The following VSTM2B variants were observed in gnomAD, a reference collection of about 807,000 sequenced individuals.
The protein encoded by VSTM2B is V-set and transmembrane domain-containing protein 2B.
VSTM2B carries 24 observed loss-of-function variants against 24.0 expected under a neutral mutation model. The observed-to-expected ratio is 1.00, with a 90% confidence interval of 0.72 to 1.40. VSTM2B has a LOEUF of 1.40. VSTM2B is among the 40% of genes most tolerant of loss of function. The pLI is 0.00. For missense variants in VSTM2B, 399 were observed against 416.4 expected, an observed-to-expected ratio of 0.96 and a Z score of 0.36; for synonymous variants, 226 against 194.4, an observed-to-expected ratio of 1.16 and a Z score of -1.35.
chr19:29,562,479 G>T (rs1310053648), intron 4 of VSTM2B, among the ~76,000 whole-genome samples: 1 of 152,136 alleles, frequency 6.6e-6, no homozygotes, highest in Admixed American at 6.6e-5. Context: ...CACAGGGTAG[G>T]GTCTCCCACA....
chr19:29,540,813 A>G (rs1039389722), intron 4 of VSTM2B, among the ~76,000 whole-genome samples: 1 of 152,238 alleles, frequency 6.6e-6, no homozygotes, highest in Non-Finnish European at 1.5e-5. Context: ...TAGCAAGTGG[A>G]AATTAGCAGC....
chr19:29,546,614 C>T lies in VSTM2B; in HGVS notation c.769+16324C>T, dbSNP rs186641081. Among the ~76,000 whole-genome samples, 45 of 152,326 alleles carry T rather than the reference C, an allele frequency of 3.0e-4. No homozygotes were observed. The East Asian group carries it at 6.6e-3, about 22-fold the overall frequency. The stretch of plus-strand genomic sequence containing the variant: ...CAATCCAGATGGGGCAGGGGCCCCT[C>T]AGGTGAGGAATGGGCCCCACACTGA... On this transcript the variant is annotated intron_variant, in intron 4 of 4. Transcript: ENST00000335523.
intron 4 of VSTM2B, among the ~76,000 whole-genome samples, chr19:29,560,097 G>C (rs561064670): frequency 6.6e-6 from 1 of 152,272 alleles, no homozygotes; most frequent in East Asian, 1.9e-4. Context: ...GTGGGTTCTA[G>C]GAGGCACAAG....
chr19:29,526,872 G>GC lies in VSTM2B; in HGVS notation c.82+209dup, dbSNP rs1183141362. On this transcript the variant is annotated intron_variant, in intron 1 of 4. Transcript: ENST00000335523. The surrounding 1 kb of genome is among the most constrained non-coding windows in gnomAD (Gnocchi z 4.1). Reference sequence around the variant, plus strand: ...CCGCGCCCGAGTCGTTCCCAGTCCCGCCGGGGCCCCGGCTGCGGAAAGGAT... The same window carrying GC: ...CCGCGCCCGAGTCGTTCCCAGTCCCGCCCGGGGCCCCGGCTGCGGAAAGGAT... 2.6e-5 allele frequency: 13 copies of GC among 502,860 alleles called. No homozygotes were observed. In the East Asian group the frequency reaches 3.9e-4, roughly 15 times the overall value. 31.1% of individuals were successfully genotyped at this position (502,860 alleles called of 1,614,324 possible).
chr19:29,528,536 G>C, intron 3 of VSTM2B, 74 bp downstream of exon 3: 1 of 1,532,318 alleles, frequency 6.5e-7, no homozygotes, highest in Non-Finnish European at 8.8e-7. Context: ...CCCTCCCTTA[G>C]CAAGCCGCGG....
At chr19:29,547,091 T>G (rs1261367532) in intron 4 of VSTM2B, among the ~76,000 whole-genome samples, 1 of 152,212 alleles carries the variant, frequency 6.6e-6, no homozygotes, top group African/African-American at 2.4e-5. Context: ...GTGGCCTTGG[T>G]TGGGCTGCCA....
chr19:29,526,503 C>G lies in VSTM2B; in HGVS notation c.-81C>G. Reference sequence around the variant, plus strand: ...TGGCAGGCTCGGAGGCGTCCTAGCCCGAGCCGGAGCCGATCCGAGCCCACG... The same window carrying G: ...TGGCAGGCTCGGAGGCGTCCTAGCCGGAGCCGGAGCCGATCCGAGCCCACG... On this transcript the variant is annotated 5_prime_UTR_variant, in exon 1 of 5. Coordinates refer to ENST00000335523, the MANE Select transcript of VSTM2B (RefSeq NM_001146339.2). The surrounding 1 kb of genome is among the most constrained non-coding windows in gnomAD (Gnocchi z 4.1). 5.1e-6 allele frequency: 6 copies of G among 1,178,628 alleles called. 1 individual carries two copies. Among genetic ancestry groups the G allele is most frequent in the South Asian group, 5.0e-5 (3 of 59,754 alleles). The allele number at this position is 1,178,628 out of a possible 1,614,324, so 73.0% of individuals were successfully genotyped here.
chr19:29,556,917 T>A (rs542200911), intron 4 of VSTM2B, among the ~76,000 whole-genome samples: 15 of 152,296 alleles, frequency 9.8e-5, no homozygotes, highest in African/African-American at 3.6e-4. Flanking sequence ...TCCATGCTCA[T>A]GGATAGGAAG....
chr19:29,538,875 A>G (rs1317561257), intron 4 of VSTM2B, among the ~76,000 whole-genome samples: 1 of 151,964 alleles, frequency 6.6e-6, no homozygotes, highest in Non-Finnish European at 1.5e-5. Flanking sequence ...TGACCCAGTT[A>G]CCTCCCACCG....
Position 29,530,169 on chromosome 19 carries a change from C to A in VSTM2B, c.648C>A (p.Pro216=), listed in dbSNP as rs1016476325. The change falls in exon 4 of 5, where the codon CCC becomes CCA. Residue 216 remains proline (P), a synonymous_variant. Transcript: ENST00000335523. ...CCGCCGCCATCGATCCCGCAGTCCCCGAGGCCGCGGCAGCCTCGGCGGCCC... is the reference window on the plus strand; with the variant it reads ...CCGCCGCCATCGATCCCGCAGTCCCAGAGGCCGCGGCAGCCTCGGCGGCCC... ...SPPAAIDPAV[P]EAAAASAAHT... is the part of the protein sequence containing the mutation. 1 of 1,488,134 alleles carries A rather than the reference C, an allele frequency of 6.7e-7. No homozygotes were observed. Among genetic ancestry groups the A allele is most frequent in the East Asian group, 2.9e-5 (1 of 34,500 alleles). The allele number at this position is 1,488,134 out of a possible 1,614,324, so 92.2% of individuals were successfully genotyped here.
At chr19:29,549,623 G>A (rs1011618081) in intron 4 of VSTM2B, among the ~76,000 whole-genome samples, 2 of 152,054 alleles carry the variant, frequency 1.3e-5, no homozygotes, top group African/African-American at 4.8e-5. Context: ...TGCTACCCCA[G>A]TAGACCCCTG....
intron 4 of VSTM2B, among the ~76,000 whole-genome samples, chr19:29,556,786 T>C (rs1442625844): frequency 1.3e-5 from 2 of 152,126 alleles, no homozygotes; most frequent in Admixed American, 1.3e-4. Flanking sequence ...TTCACAATTG[T>C]TTCAAAGGGA....
chr19:29,528,672 G>T lies in VSTM2B; in HGVS notation c.297+210G>T, dbSNP rs537834770. Among the ~76,000 whole-genome samples the T allele has an allele frequency of 2.7e-3, 409 of 152,354 alleles. 5 individuals carry two copies. The highest frequency in any genetic ancestry group is 4.7e-3 in the Non-Finnish European group (320 of 68,038). On this transcript the variant is annotated intron_variant, in intron 3 of 4. Coordinates refer to ENST00000335523, the MANE Select transcript of VSTM2B (RefSeq NM_001146339.2). ...CGGGTTCTCTTTTGTGTAAATCAAG[G>T]GTCCAAGGCTTGAGTCCCCTAATTC... is the stretch of plus-strand genomic sequence containing the variant.
upstream of VSTM2B, chr19:29,525,488 TG>T (rs915770797): frequency 1.3e-5 from 2 of 151,424 alleles, no homozygotes; most frequent in African/African-American, 4.8e-5. Context: ...CTGGGCGCTG[TG>T]CGCTCACTTC....
At chr19:29,535,796 C>T (rs1969875725) in intron 4 of VSTM2B, among the ~76,000 whole-genome samples, 1 of 152,146 alleles carries the variant, frequency 6.6e-6, no homozygotes, top group Non-Finnish European at 1.5e-5. Flanking sequence ...CCAGCAGGCC[C>T]AGGACCTGTG....
Position 29,526,139 on chromosome 19 carries a change from G to A in VSTM2B, c.-445G>A, listed in dbSNP as rs985592414. Reference sequence around the variant, plus strand: ...GGAACCGGCGGGGGCGGCTGCGGGAGCCGAAGGAGGTGGCAATCGGGAGCA... The same window carrying A: ...GGAACCGGCGGGGGCGGCTGCGGGAACCGAAGGAGGTGGCAATCGGGAGCA... On this transcript the variant is annotated 5_prime_UTR_variant, in exon 1 of 5. Transcript: ENST00000335523. This position sits in a 1 kb window ranked among gnomAD's most constrained non-coding sequence, Gnocchi z 4.1. Among the ~76,000 whole-genome samples the A allele has an allele frequency of 6.6e-6, 1 of 152,094 alleles. No homozygotes were observed. Among genetic ancestry groups the A allele is most frequent in the African/African-American group, 2.4e-5 (1 of 41,436 alleles).
intron 3 of VSTM2B, 76 bp downstream of exon 3, chr19:29,528,538 A>G: frequency 6.5e-7 from 1 of 1,531,732 alleles, no homozygotes; most frequent in Non-Finnish European, 8.8e-7. Context: ...CTCCCTTAGC[A>G]AGCCGCGGCG....
In VSTM2B at chr19:29,527,106, G is replaced by C. The variant is rs566951896; in HGVS notation, c.83-105G>C. ...GTGCGCCAGGGAGCAGCTGCGGGGTGGGGGGCACAAGGCCAGCCAGCCAGA... is the reference window on the plus strand; with the variant it reads ...GTGCGCCAGGGAGCAGCTGCGGGGTCGGGGGCACAAGGCCAGCCAGCCAGA... On this transcript the variant is annotated intron_variant, in intron 1 of 4. Coordinates refer to ENST00000335523, the MANE Select transcript of VSTM2B (RefSeq NM_001146339.2). The C allele has an allele frequency of 2.1e-4, 219 of 1,019,496 alleles. 1 individual carries two copies. The African/African-American group carries it at 3.3e-3, about 16-fold the overall frequency. 63.2% of individuals were successfully genotyped at this position (1,019,496 alleles called of 1,614,324 possible).
intron 4 of VSTM2B, among the ~76,000 whole-genome samples, chr19:29,541,807 G>A (rs531077494): frequency 6.6e-6 from 1 of 152,166 alleles, no homozygotes; most frequent in South Asian, 2.1e-4. Flanking sequence ...ATGGGTGAAT[G>A]AGTGGGAGAA....
Sources: gnomAD v4.1 joint callset for allele counts (sites outside exome capture counted in the v4.1 genomes callset) on GRCh38, gnomAD v4.1.1 for gene constraint, Gnocchi (gnomAD v3.1) non-coding constraint, MANE v1.5 for transcripts, NCBI Gene and HGNC (gene_info 2026-07-23, HGNC 2026-07-21) for gene names.